Variants in LRCH3 observed in about 807,000 individuals in gnomAD.
LRCH3 encodes DISP complex protein LRCH3.
LRCH3 carries 68 observed loss-of-function variants against 104.5 expected under a neutral mutation model. The ratio of observed to expected loss-of-function variants is 0.65; its 90% CI spans 0.54 to 0.80. The LOEUF (loss-of-function observed/expected upper bound fraction) is 0.80. Ranked by LOEUF, LRCH3 falls within the 30% of genes least tolerant of loss-of-function variation. The pLI is 0.00. For synonymous variants in LRCH3, 344 were observed against 361.3 expected (o/e 0.95, Z 0.54); for missense variants, 951 against 953.9 (o/e 1.00, Z 0.04).
chr3:197,850,355 T>C (rs1329435857), intron 12 of LRCH3: 42 of 849,782 alleles, frequency 4.9e-5, no homozygotes, highest in Non-Finnish European at 6.5e-5. Context: ...TTTTTTCTTT[T>C]TTTTTTTTTT....
intron 8 of LRCH3, among the ~76,000 whole-genome samples, chr3:197,835,195 T>G (rs1278506199): frequency 6.6e-6 from 1 of 152,188 alleles, no homozygotes; most frequent in African/African-American, 2.4e-5. Context: ...ATTTTTTTTT[T>G]GTTTTTGAGA....
intron 1 of LRCH3, among the ~76,000 whole-genome samples, chr3:197,807,510 C>G (rs567984866): frequency 6.6e-6 from 1 of 152,128 alleles, no homozygotes; most frequent in African/African-American, 2.4e-5. Flanking sequence ...TGTGAGCCAC[C>G]ATGCCCGGCC....
chr3:197,852,399 A>C, intron 12 of LRCH3, 162 bp from the exon 13 acceptor site: 2 of 662,054 alleles, frequency 3.0e-6, no homozygotes, highest in Non-Finnish European at 5.2e-6. Context: ...AGTTTTTAAA[A>C]TTTCTAGCTA....
chr3:197,883,603 GGT>G lies in LRCH3; in HGVS notation c.2272_2273del (p.Val758ProfsTer39). 2.6e-6 allele frequency: 4 copies of G among 1,535,962 alleles called. No homozygotes were observed. Among genetic ancestry groups the G allele is most frequent in the Non-Finnish European group, 3.5e-6 (4 of 1,146,858 alleles). ...EKGLSQVAVT[V>X]QALLELAPPK... ...AAGGTTTGAGCCAGGTTGCAGTGAC[GGT>G]CCAGGCTCTCCTGGAACTTGCCCCA... On this transcript the variant is annotated frameshift_variant, in exon 21 of 21. Coordinates refer to ENST00000425562, the MANE Select transcript of LRCH3 (RefSeq NM_001365715.1). LOFTEE classifies it high-confidence loss of function. This position sits in a 1 kb window ranked among gnomAD's most constrained non-coding sequence, Gnocchi z 4.2.
rs1283584799 is a variant in LRCH3, at chr3:197,884,196, C to T, written c.*530C>T. On this transcript the variant is annotated 3_prime_UTR_variant, in exon 21 of 21. Transcript: ENST00000425562. The stretch of plus-strand genomic sequence containing the variant: ...TGGAGAAGGAGTTCTGCTCAGTCGC[C>T]CAGGCTAGAGTGCAGTGGCATAATC... 3 of 152,580 alleles carry T rather than the reference C, an allele frequency of 2.0e-5. No individual in the cohort carries two copies. The highest frequency in any genetic ancestry group is 4.4e-5 in the Non-Finnish European group (3 of 68,328). The allele number at this position is 152,580 out of a possible 1,614,324, so 9.5% of individuals were successfully genotyped here. A position where few individuals can be genotyped will look rare whatever the true frequency, so the allele number is the denominator to read the frequency against.
intron 20 of LRCH3, chr3:197,881,640 G>T (rs1381240500): frequency 1.0e-6 from 1 of 985,468 alleles, no homozygotes; most frequent in Non-Finnish European, 1.2e-6. Flanking sequence ...TTCAGAATGC[G>T]TAGCACTTAG....
chr3:197,880,167 G>A (rs371687222), intron 20 of LRCH3, among the ~76,000 whole-genome samples: 7 of 151,676 alleles, frequency 4.6e-5, no homozygotes, highest in African/African-American at 7.3e-5. Flanking sequence ...GGATGGTCTC[G>A]ATCTCCTGAC....
intron 1 of LRCH3, among the ~76,000 whole-genome samples, chr3:197,794,874 G>A (rs1055421782): frequency 6.6e-6 from 1 of 151,882 alleles, no homozygotes; most frequent in Non-Finnish European, 1.5e-5. Context: ...GTGTAATGGC[G>A]GGTGCCTGTA....
At position 197,885,832 on chromosome 3, in the gene LRCH3, T is replaced by C. The variant is rs1035543453; in HGVS notation, c.*2166T>C. ...AAGTAAATAAAGTAAGCGGAAGATA[T>C]CTCTTTTGTTTCTGTAGTTGTTAAC... On this transcript the variant is annotated 3_prime_UTR_variant, in exon 21 of 21. Coordinates refer to ENST00000425562, the MANE Select transcript of LRCH3 (RefSeq NM_001365715.1). 4 of 152,190 alleles carry C rather than the reference T, an allele frequency of 2.6e-5. No individual in the cohort carries two copies. The highest frequency in any genetic ancestry group is 9.7e-5 in the African/African-American group (4 of 41,442). 9.4% of individuals were successfully genotyped at this position (152,190 alleles called of 1,614,324 possible). A position where few individuals can be genotyped will look rare whatever the true frequency, so the allele number is the denominator to read the frequency against.
Position 197,843,641 on chromosome 3 carries a change from G to GC in LRCH3, c.1329-3764dup, listed in dbSNP as rs1052689788. On this transcript the variant is annotated intron_variant, in intron 10 of 20. Transcript: ENST00000425562. ...AGAGGCTGCAGTGAGCTGAGATTGT[G>GC]CCCCTGCACGCCAGCCTGGGCAACA... Among the ~76,000 whole-genome samples the GC allele has an allele frequency of 1.6e-3, 249 of 152,128 alleles. 1 individual carries two copies. The highest frequency in any genetic ancestry group is 5.7e-3 in the African/African-American group (237 of 41,480).
At chr3:197,796,797 T>C (rs1731254484) in intron 1 of LRCH3, among the ~76,000 whole-genome samples, 2 of 152,226 alleles carry the variant, frequency 1.3e-5, no homozygotes, top group Non-Finnish European at 2.9e-5. Flanking sequence ...CTAAAATTTG[T>C]GTTATTGATC....
Position 197,886,382 on chromosome 3 carries a change from A to G in LRCH3, c.*2716A>G, listed in dbSNP as rs926073727. Reference sequence around the variant, plus strand: ...GTACAACATCTAACTTCAATGCCCAATCTTATAGAACAAAAGTAAAATGTC... The same window carrying G: ...GTACAACATCTAACTTCAATGCCCAGTCTTATAGAACAAAAGTAAAATGTC... On this transcript the variant is annotated 3_prime_UTR_variant, in exon 21 of 21. Coordinates refer to ENST00000425562, the MANE Select transcript of LRCH3 (RefSeq NM_001365715.1). 6.6e-6 allele frequency: 1 copy of G among 151,896 alleles called. No homozygotes were observed. The highest frequency in any genetic ancestry group is 2.4e-5 in the African/African-American group (1 of 41,324). 9.4% of individuals were successfully genotyped at this position (151,896 alleles called of 1,614,324 possible). A position where few individuals can be genotyped will look rare whatever the true frequency, so the allele number is the denominator to read the frequency against.
chr3:197,828,637 G>T (rs1489782682), intron 5 of LRCH3, among the ~76,000 whole-genome samples: 4 of 150,900 alleles, frequency 2.7e-5, no homozygotes, highest in Non-Finnish European at 4.4e-5. Context: ...GAGCCACCGC[G>T]CCCGGCCCCC....
chr3:197,817,358 G>GTATATA (rs1165662167), intron 3 of LRCH3, 56 bp downstream of exon 3: 2 of 120,110 alleles, frequency 1.7e-5, no homozygotes, highest in African/African-American at 2.3e-4. Flanking sequence ...GTGTGTGTGT[G>GTATATA]TGTATATATA....
At chr3:197,870,555 G>C (rs1712041294) in intron 18 of LRCH3, among the ~76,000 whole-genome samples, 1 of 152,098 alleles carries the variant, frequency 6.6e-6, no homozygotes, top group Non-Finnish European at 1.5e-5. Flanking sequence ...TAGTAGAGAA[G>C]GAGTTTCACC....
intron 15 of LRCH3, among the ~76,000 whole-genome samples, chr3:197,865,164 C>T (rs532892604): frequency 3.3e-5 from 5 of 152,046 alleles, no homozygotes; most frequent in African/African-American, 7.2e-5. Context: ...ATTTTTTAGA[C>T]GTTTTGTAGA....
chr3:197,872,623 G>A (rs1580890998), intron 19 of LRCH3, among the ~76,000 whole-genome samples: 1 of 152,170 alleles, frequency 6.6e-6, no homozygotes, highest in Non-Finnish European at 1.5e-5. Flanking sequence ...TTGGGAGCCC[G>A]AGGCTGGTGG....
At chr3:197,792,014 G>A (rs201029499) in intron 1 of LRCH3, among the ~76,000 whole-genome samples, 1 of 152,020 alleles carries the variant, frequency 6.6e-6, no homozygotes, top group East Asian at 1.9e-4. Context: ...GTTGGGGAGC[G>A]TGTGTTTAAA....
chr3:197,872,068 C>T (rs78228221), intron 19 of LRCH3, among the ~76,000 whole-genome samples: 16,535 of 152,094 alleles, frequency 0.11, 946 homozygotes, highest in African/African-American at 0.13. Flanking sequence ...TTTAGAATGA[C>T]GAATCTAGGC....
Sources: allele counts gnomAD v4.1 joint callset (sites outside exome capture counted in the v4.1 genomes callset), GRCh38; gene constraint gnomAD v4.1.1; non-coding constraint Gnocchi (gnomAD v3.1); transcripts MANE v1.5; gene names NCBI Gene and HGNC (gene_info 2026-07-23, HGNC 2026-07-21).